The following ADCY9 variants were observed in gnomAD, a reference collection of about 807,000 sequenced individuals.
The protein encoded by ADCY9 is adenylate cyclase type 9.
A neutral mutation model predicts 101.5 loss-of-function variants in ADCY9; 50 were observed. The observed-to-expected ratio is 0.49, with a 90% CI of 0.39 to 0.62. ADCY9 has a LOEUF of 0.62. Among genes scored for constraint, ADCY9 ranks in the 20% least tolerant of loss-of-function variants. The pLI is 0.00. For synonymous variants in ADCY9, 905 were observed against 769.3 expected (o/e 1.18, Z -2.92); for missense variants, 1,662 against 1,800.4 (o/e 0.92, Z 1.39).
intron 2 of ADCY9, among the ~76,000 whole-genome samples, chr16:4,035,408 A>G (rs147062808): frequency 0.01 from 1,546 of 152,346 alleles, 31 homozygotes; most frequent in African/African-American, 0.035. Context: ...ATTATGAGTC[A>G]TTACTCTGAA....
rs1047356185 is a variant in ADCY9 at position 3,966,039 on chromosome 16, C to G, written c.3798G>C (p.Val1266=). 1.2e-6 allele frequency: 2 copies of G among 1,614,076 alleles called. No individual in the cohort carries two copies. The highest frequency in any genetic ancestry group is 2.7e-5 in the African/African-American group (2 of 74,926). ...LSISPDIRVQ[V]DGSIGRSPTD... ...TGGGAGACCGTCCGATGCTGCCATCCACCTGGACGCGGATGTCTGGGGAGA... is the reference window on the plus strand; with the variant it reads ...TGGGAGACCGTCCGATGCTGCCATCGACCTGGACGCGGATGTCTGGGGAGA... Residue 1266 remains valine, a synonymous_variant, in exon 11 of 11, where the codon GTG becomes GTC. Coordinates refer to ENST00000294016, the MANE Select transcript of ADCY9 (RefSeq NM_001116.4).
intron 2 of ADCY9, among the ~76,000 whole-genome samples, chr16:4,016,586 T>TA (rs2056440243): frequency 6.6e-6 from 1 of 151,670 alleles, no homozygotes; most frequent in Non-Finnish European, 1.5e-5. Flanking sequence ...TGATGAAAAA[T>TA]AGATTATAGA....
chr16:4,075,252 T>C lies in ADCY9; in HGVS notation c.1693+38498A>G, dbSNP rs533706112. 6.6e-5 allele frequency among the ~76,000 whole-genome samples: 10 copies of C among 151,722 alleles called. 1 individual carries two copies. The highest frequency in any genetic ancestry group is 1.9e-4 in the African/African-American group (8 of 41,442). ...CTCCCGGGTTCAAGCAATTCTCCTG[T>C]CCCAGCCTCCCAAGTAGCTGGGATT... On this transcript the variant is annotated intron_variant, in intron 2 of 10. Coordinates refer to ENST00000294016, the MANE Select transcript of ADCY9 (RefSeq NM_001116.4).
intron 2 of ADCY9, among the ~76,000 whole-genome samples, chr16:4,093,106 G>A (rs1371348949): frequency 6.6e-6 from 1 of 152,192 alleles, no homozygotes; most frequent in Non-Finnish European, 1.5e-5. Flanking sequence ...CCATTTTTAT[G>A]AAAGTGCTTT....
rs35228171 is a variant in ADCY9, at chr16:4,025,629, G to A, written c.1694-18071C>T. Among the ~76,000 whole-genome samples, 39 of 152,306 alleles carry A rather than the reference G, an allele frequency of 2.6e-4. 1 individual carries two copies. The East Asian group carries it at 6.0e-3, about 23-fold the overall frequency. ...ACGAGGCCTGCCGAGGAAATGGCCC[G>A]GGGGTGTGGCAGGGCGGAGGTCCTG... On this transcript the variant is annotated intron_variant, in intron 2 of 10. Transcript: ENST00000294016.
In ADCY9 at chr16:3,965,970, G is replaced by A; in HGVS notation, c.3867C>T (p.Asp1289=). The A allele has an allele frequency of 6.2e-7, 1 of 1,614,194 alleles. No individual in the cohort carries two copies. Among genetic ancestry groups the A allele is most frequent in the Non-Finnish European group, 8.5e-7 (1 of 1,180,046 alleles). Reference sequence around the variant, plus strand: ...TGCTGTCAGAACCCAGAGATGTCTTGTCCACATACTGGACAGAAGGCACCA... The same window carrying A: ...TGCTGTCAGAACCCAGAGATGTCTTATCCACATACTGGACAGAAGGCACCA... ...ANLVPSVQYV[D]KTSLGSDSST... The change falls in exon 11 of 11, where the codon GAC becomes GAT. Residue 1289 remains aspartate (D), a synonymous_variant. Transcript: ENST00000294016.
chr16:3,963,097 CATATATATATATATAT>C lies in ADCY9; in HGVS notation c.*2662_*2677del, dbSNP rs57326989. 1,140 of 122,092 alleles carry C rather than the reference CATATATATATATATAT, an allele frequency of 9.3e-3. 26 individuals are homozygous for C. Among genetic ancestry groups the C allele is most frequent in the African/African-American group, 0.039 (815 of 20,806 alleles). 7.6% of individuals were successfully genotyped at this position (122,092 alleles called of 1,614,324 possible). ...GATAAAATTGTGTGTGCTTGTTTACCATATATATATATATATATATATATATATATATATATATATA... is the reference window on the plus strand; with the variant it reads ...GATAAAATTGTGTGTGCTTGTTTACCATATATATATATATATATATATATA... On this transcript the variant is annotated 3_prime_UTR_variant, in exon 11 of 11. Transcript: ENST00000294016.
rs928250503 is a variant in ADCY9, at chr16:4,114,419, T to C, written c.1024A>G (p.Ile342Val). Residue 342 changes from isoleucine (I) to valine (V), a missense_variant, in exon 2 of 11, where the codon ATA (isoleucine) becomes GTA (valine). By Grantham distance (29) the Ile-to-Val change is conservative. Coordinates refer to ENST00000294016, the MANE Select transcript of ADCY9 (RefSeq NM_001116.4). This position sits in a 1 kb window ranked among gnomAD's most constrained non-coding sequence, Gnocchi z 4.3. The stretch of plus-strand genomic sequence containing the variant: ...CCCTGCTTCATTAAGTCATCGGCTA[T>C]GATTCTTGGCATCACGGAATGAATC... ...RMIHSVMPRI[I>V]ADDLMKQGDE... 6.2e-7 allele frequency: 1 copy of C among 1,614,194 alleles called. No homozygotes were observed. Among genetic ancestry groups the C allele is most frequent in the African/African-American group, 1.3e-5 (1 of 75,068 alleles).
chr16:4,069,148 G>C (rs1186654370), intron 2 of ADCY9, among the ~76,000 whole-genome samples: 1 of 152,192 alleles, frequency 6.6e-6, no homozygotes, highest in African/African-American at 2.4e-5. Flanking sequence ...CCCACCAACA[G>C]TGTTTCAGAG....
intron 3 of ADCY9, among the ~76,000 whole-genome samples, chr16:4,005,427 C>G (rs928714723): frequency 6.6e-6 from 1 of 152,150 alleles, no homozygotes; most frequent in African/African-American, 2.4e-5. Flanking sequence ...TGATGTCTTG[C>G]TACGATGACC....
At chr16:4,033,327 C>A (rs1011046301) in intron 2 of ADCY9, among the ~76,000 whole-genome samples, 1 of 151,950 alleles carries the variant, frequency 6.6e-6, no homozygotes, top group South Asian at 2.1e-4. Flanking sequence ...CGTAGATTCA[C>A]GTAATACTGC....
At chr16:4,020,237 A>G (rs2056465921) in intron 2 of ADCY9, among the ~76,000 whole-genome samples, 1 of 152,220 alleles carries the variant, frequency 6.6e-6, no homozygotes, top group African/African-American at 2.4e-5. Flanking sequence ...AATGATTTCA[A>G]TTATAATTTA....
intron 2 of ADCY9, among the ~76,000 whole-genome samples, chr16:4,012,887 T>G (rs1328054462): frequency 1.3e-5 from 2 of 152,180 alleles, no homozygotes; most frequent in Admixed American, 1.3e-4. Flanking sequence ...AGTCTCTTTC[T>G]GTGGGATTCT....
chr16:4,026,260 A>G (rs2056514043), intron 2 of ADCY9, among the ~76,000 whole-genome samples: 1 of 152,032 alleles, frequency 6.6e-6, no homozygotes, highest in Non-Finnish European at 1.5e-5. Context: ...CCCTGTCTCT[A>G]CTAAAAATAC....
intron 10 of ADCY9, among the ~76,000 whole-genome samples, chr16:3,968,143 G>T (rs745910633): frequency 6.6e-6 from 1 of 151,954 alleles, no homozygotes; most frequent in African/African-American, 2.4e-5. Flanking sequence ...TGATATATTT[G>T]GTTCTTAGAT....
chr16:4,069,832 A>AC (rs1161600653), intron 2 of ADCY9, among the ~76,000 whole-genome samples: 2 of 152,210 alleles, frequency 1.3e-5, no homozygotes, highest in Non-Finnish European at 2.9e-5. Flanking sequence ...ATGGTGGCTC[A>AC]CACTTGTAAT....
intron 2 of ADCY9, among the ~76,000 whole-genome samples, chr16:4,100,556 C>G (rs953831490): frequency 4.0e-5 from 6 of 151,842 alleles, no homozygotes; most frequent in Non-Finnish European, 8.8e-5. Context: ...GTCTCGAACT[C>G]CTGAGCTCAA....
chr16:3,985,284 C>T (rs866194061), intron 6 of ADCY9, among the ~76,000 whole-genome samples: 1 of 152,060 alleles, frequency 6.6e-6, no homozygotes, highest in Admixed American at 6.6e-5. Flanking sequence ...GGAGGACAGG[C>T]ACCCGCCACC....
In ADCY9 at chr16:3,965,914, G is replaced by C. The variant is rs1461540677; in HGVS notation, c.3923C>G (p.Pro1308Arg). 6.2e-7 allele frequency: 1 copy of C among 1,614,040 alleles called. No homozygotes were observed. Among genetic ancestry groups the C allele is most frequent in the Non-Finnish European group, 8.5e-7 (1 of 1,180,032 alleles). ...STQAKDAHLS[P>R]KRPWKEPVKA... ...GACGGGCTCCTTCCACGGTCTCTTG[G>C]GGGACAGGTGGGCATCCTTGGCCTG... Residue 1308 changes from proline to arginine, a missense_variant, in exon 11 of 11, where the codon CCC becomes CGC. Transcript: ENST00000294016.
Sources: allele counts gnomAD v4.1 joint callset (sites outside exome capture counted in the v4.1 genomes callset), GRCh38; gene constraint gnomAD v4.1.1; non-coding constraint Gnocchi (gnomAD v3.1); transcripts MANE v1.5; gene names NCBI Gene and HGNC (gene_info 2026-07-23, HGNC 2026-07-21).